PDSS1: variants seen among roughly 807,000 people sequenced by gnomAD.
The protein encoded by PDSS1 is decaprenyl diphosphate synthase subunit 1.
A neutral mutation model predicts 57.5 loss-of-function variants in PDSS1; 43 were observed. The ratio of observed to expected loss-of-function variants is 0.75; its 90% CI spans 0.59 to 0.96. The LOEUF (loss-of-function observed/expected upper bound fraction) is 0.96, where lower values mean the gene tolerates loss of function less well. Among genes scored for constraint, PDSS1 ranks in the 50% least tolerant of loss-of-function variants. The pLI, the probability that PDSS1 is intolerant of heterozygous loss-of-function variation, is 0.00. For synonymous variants in PDSS1, 175 were observed against 191.3 expected (o/e 0.91, Z 0.70); for missense variants, 438 against 527.8 (o/e 0.83, Z 1.67).
intron 8 of PDSS1, among the ~76,000 whole-genome samples, chr10:26,733,990 T>C (rs1331857731): frequency 1.3e-5 from 2 of 152,132 alleles, no homozygotes; most frequent in Non-Finnish European, 2.9e-5. Context: ...GAGATAATAA[T>C]AGCAAACACA....
chr10:26,746,398 C>A lies in PDSS1; in HGVS notation c.1173C>A (p.Ile391=). 6.2e-7 allele frequency: 1 copy of A among 1,613,954 alleles called. No individual in the cohort carries two copies. The highest frequency in any genetic ancestry group is 8.5e-7 in the Non-Finnish European group (1 of 1,179,824). Residue 391 remains isoleucine (I), a synonymous_variant, in exon 12 of 12, where the codon ATC becomes ATA. Coordinates refer to ENST00000376215, the MANE Select transcript of PDSS1 (RefSeq NM_014317.5). ...QQYCHEAIRE[I]SKLRPSPERD... is the part of the protein sequence containing the mutation. ...ACTGCCATGAAGCAATAAGAGAGAT[C>A]AGTAAACTTCGACCATCCCCAGAAA...
At chr10:26,722,457 C>T (rs1468545902) in intron 6 of PDSS1, among the ~76,000 whole-genome samples, 1 of 152,126 alleles carries the variant, frequency 6.6e-6, no homozygotes, top group Non-Finnish European at 1.5e-5. Flanking sequence ...GTAATCCTAG[C>T]ACTTTGGGAG....
chr10:26,728,355 T>G (rs1836036438), intron 8 of PDSS1, among the ~76,000 whole-genome samples: 1 of 152,062 alleles, frequency 6.6e-6, no homozygotes, highest in Non-Finnish European at 1.5e-5. Context: ...CCGGGCGTAG[T>G]GGCAGGCGCC....
intron 5 of PDSS1, 36 bp from the exon 6 acceptor site, chr10:26,720,182 G>A (rs772887446): frequency 8.5e-5 from 137 of 1,611,612 alleles, no homozygotes; most frequent in Non-Finnish European, 1.0e-4. Flanking sequence ...GGTTCTAGGC[G>A]GCGTCTGTTA....
chr10:26,730,813 T>G (rs1836164104), intron 8 of PDSS1, among the ~76,000 whole-genome samples: 1 of 152,162 alleles, frequency 6.6e-6, no homozygotes, highest in African/African-American at 2.4e-5. Flanking sequence ...CCCTTCTTTC[T>G]CACAGCAAGA....
chr10:26,734,813 A>G (rs1483132650), intron 8 of PDSS1: 1 of 453,960 alleles, frequency 2.2e-6, no homozygotes, highest in Non-Finnish European at 4.4e-6. Flanking sequence ...AATGAGGGAT[A>G]CATTGATAGA....
In PDSS1 at chr10:26,726,855, A is replaced by G. The variant is rs566631743; in HGVS notation, c.831+2732A>G. Among the ~76,000 whole-genome samples the G allele has an allele frequency of 2.0e-5, 3 of 152,278 alleles. No homozygotes were observed. The East Asian group carries it at 5.8e-4, about 29-fold the overall frequency. Reference sequence around the variant, plus strand: ...GGCGAGTGGATCACTTTAGTCCAGGATTTCAAGACCAGCCTGGCCAACATG... The same window carrying G: ...GGCGAGTGGATCACTTTAGTCCAGGGTTTCAAGACCAGCCTGGCCAACATG... On this transcript the variant is annotated intron_variant, in intron 8 of 11. Coordinates refer to ENST00000376215, the MANE Select transcript of PDSS1 (RefSeq NM_014317.5).
intron 1 of PDSS1, among the ~76,000 whole-genome samples, chr10:26,700,658 G>C (rs754148312): frequency 6.6e-6 from 1 of 152,068 alleles, no homozygotes; most frequent in South Asian, 2.1e-4. Flanking sequence ...CTGCCGCCTT[G>C]TGAAGAAGGT....
intron 10 of PDSS1, among the ~76,000 whole-genome samples, chr10:26,739,983 A>C (rs941783175): frequency 1.3e-5 from 2 of 152,188 alleles, no homozygotes; most frequent in Non-Finnish European, 1.5e-5. Context: ...TCTACTAAAA[A>C]TACAAAAAAT....
chr10:26,709,415 GC>G lies in PDSS1; in HGVS notation c.337-221del, dbSNP rs763944133. 1.1e-4 allele frequency among the ~76,000 whole-genome samples: 16 copies of G among 152,108 alleles called. 1 individual carries two copies. The East Asian group carries it at 1.2e-3, about 11-fold the overall frequency. ...TCTCTACTAAAAATACAAAAAATTA[GC>G]CAGGCATTGTGGCGGGTGCTTGTAA... On this transcript the variant is annotated intron_variant, in intron 4 of 11. Coordinates refer to ENST00000376215, the MANE Select transcript of PDSS1 (RefSeq NM_014317.5).
At chr10:26,728,840 G>T (rs1836063380) in intron 8 of PDSS1, among the ~76,000 whole-genome samples, 1 of 138,832 alleles carries the variant, frequency 7.2e-6, no homozygotes, top group South Asian at 2.3e-4. Context: ...GTGCAGTGGT[G>T]CAATCTCAGC....
In PDSS1 at chr10:26,746,373, A is replaced by G. The variant is rs770190130; in HGVS notation, c.1148A>G (p.Tyr383Cys). 6.2e-6 allele frequency: 10 copies of G among 1,614,018 alleles called. No individual in the cohort carries two copies. The highest frequency in any genetic ancestry group is 1.3e-5 in the African/African-American group (1 of 74,950). The change falls in exon 12 of 12, where the codon TAC (tyrosine) becomes TGC (cysteine). Residue 383 changes from tyrosine (Y) to cysteine (C), a missense_variant. Tyr to Cys is a radical substitution (Grantham distance 194). Around this residue, in one of 2 missense-constraint regions of PDSS1, gnomAD observed 284 missense variants for 390.7 expected, o/e 0.73. Coordinates refer to ENST00000376215, the MANE Select transcript of PDSS1 (RefSeq NM_014317.5). The part of the protein sequence containing the change: ...VQQTTYLAQQ[Y>C]CHEAIREISK... Reference sequence around the variant, plus strand: ...CAAACAACCTACCTCGCCCAGCAGTACTGCCATGAAGCAATAAGAGAGATC... The same window carrying G: ...CAAACAACCTACCTCGCCCAGCAGTGCTGCCATGAAGCAATAAGAGAGATC...
intron 6 of PDSS1, among the ~76,000 whole-genome samples, 189 bp downstream of exon 6, chr10:26,720,548 TG>T (rs1281957798): frequency 6.3e-4 from 96 of 152,266 alleles, no homozygotes; most frequent in African/African-American, 2.1e-3. Flanking sequence ...AAAAATACCA[TG>T]GAAAAATAAA....
intron 1 of PDSS1, among the ~76,000 whole-genome samples, chr10:26,698,940 A>G (rs1028061783): frequency 6.6e-6 from 1 of 152,198 alleles, no homozygotes; most frequent in Non-Finnish European, 1.5e-5. Context: ...CCTAGGCAAC[A>G]TAGCAAGACT....
chr10:26,733,845 G>A (rs550910555), intron 8 of PDSS1, among the ~76,000 whole-genome samples: 3 of 152,026 alleles, frequency 2.0e-5, no homozygotes, highest in Non-Finnish European at 4.4e-5. Flanking sequence ...GTGGTTGCGC[G>A]TGCCTGTAGT....
chr10:26,727,340 C>CTTTTTTTTTTTTT (rs71403885), intron 8 of PDSS1, among the ~76,000 whole-genome samples: 38 of 100,632 alleles, frequency 3.8e-4, no homozygotes, highest in African/African-American at 1.2e-3. Context: ...CTCTCTCTCT[C>CTTTTTTTTTTTTT]TTTTTTTTTT....
intron 4 of PDSS1, among the ~76,000 whole-genome samples, chr10:26,706,847 C>G (rs934143345): frequency 2.6e-5 from 4 of 152,186 alleles, no homozygotes; most frequent in Admixed American, 1.3e-4. Context: ...AACCTCAATT[C>G]TTGCCTCCTC....
chr10:26,699,326 A>G (rs1049398400), intron 1 of PDSS1, among the ~76,000 whole-genome samples: 1 of 151,962 alleles, frequency 6.6e-6, no homozygotes, highest in African/African-American at 2.4e-5. Context: ...CTAGTTCCAC[A>G]GAAGAAGCCA....
At chr10:26,741,890 A>T (rs1056648642) in intron 10 of PDSS1, among the ~76,000 whole-genome samples, 1 of 152,046 alleles carries the variant, frequency 6.6e-6, no homozygotes, top group Admixed American at 6.6e-5. Context: ...TTTATTTTTT[A>T]TTTGAGACGG....
Sources: allele counts gnomAD v4.1 joint callset (sites outside exome capture counted in the v4.1 genomes callset), GRCh38; gene constraint gnomAD v4.1.1; regional missense constraint gnomAD v4.1.1; transcripts MANE v1.5; gene names NCBI Gene and HGNC (gene_info 2026-07-23, HGNC 2026-07-21).